Variants in LTA observed in about 807,000 individuals in gnomAD.
LTA encodes lymphotoxin alpha.
A neutral mutation model predicts 15.1 loss-of-function variants in LTA; 6 were observed. That is an observed-to-expected ratio of 0.40 (90% CI 0.22 to 0.78). The LOEUF (loss-of-function observed/expected upper bound fraction) is 0.78. LTA is among the 30% of genes least tolerant of loss of function. LTA has a pLI of 0.38. For synonymous variants in LTA, 87 were observed against 107.3 expected, an observed-to-expected ratio of 0.81 and a Z score of 1.17; for missense variants, 173 against 249.5, an observed-to-expected ratio of 0.69 and a Z score of 2.06.
the LTA span, among the ~76,000 whole-genome samples, chr6:31,562,234 A>G: frequency 6.6e-6 from 1 of 152,094 alleles, no homozygotes; most frequent in South Asian, 2.1e-4. Context: ...AATTTTGAGA[A>G]AACCGTTTCC....
the LTA span, among the ~76,000 whole-genome samples, chr6:31,564,206 G>A: frequency 2.0e-5 from 3 of 152,324 alleles, no homozygotes; most frequent in East Asian, 5.8e-4. Flanking sequence ...TGTAAAACCA[G>A]TAGACTTGAG....
At chr6:31,567,604 TTCTCTC>T (rs1554281342), upstream of LTA, among the ~76,000 whole-genome samples, 3 of 103,388 alleles carry the variant, frequency 2.9e-5, no homozygotes, top group Non-Finnish European at 4.4e-5. Context: ...ACCTCCCTCT[TTCTCTC>T]TCTCTCTCTC....
the LTA span, among the ~76,000 whole-genome samples, chr6:31,566,383 CTG>C: frequency 6.6e-6 from 1 of 152,050 alleles, no homozygotes; most frequent in Non-Finnish European, 1.5e-5. Flanking sequence ...TGGCACATGT[CTG>C]TAATTCCAGC....
the LTA span, among the ~76,000 whole-genome samples, chr6:31,563,685 G>A: frequency 6.6e-6 from 1 of 152,184 alleles, no homozygotes; most frequent in African/African-American, 2.4e-5. Context: ...TTGGTTCCCT[G>A]CAACCTCTGC....
chr6:31,570,150 T>C (rs963212672), upstream of LTA, among the ~76,000 whole-genome samples: 1 of 152,208 alleles, frequency 6.6e-6, no homozygotes, highest in Non-Finnish European at 1.5e-5. Flanking sequence ...AATCTGTCTT[T>C]TATTATAGGA....
the LTA span, among the ~76,000 whole-genome samples, chr6:31,562,888 C>T: frequency 4.2e-5 from 6 of 141,378 alleles, no homozygotes; most frequent in African/African-American, 1.6e-4. Flanking sequence ...AGCCCAGGTG[C>T]GGTGGCTCAC....
chr6:31,567,721 T>C (rs1770655683), upstream of LTA, among the ~76,000 whole-genome samples: 1 of 148,772 alleles, frequency 6.7e-6, no homozygotes, highest in Non-Finnish European at 1.5e-5. Context: ...TTTAAAGGCT[T>C]CCTGTGGCTG....
rs555821192 is a variant in LTA at position 31,572,337 on chromosome 6, C to G, written c.-119C>G. On this transcript the variant is annotated 5_prime_UTR_variant, in exon 1 of 4. Coordinates refer to ENST00000418386, the MANE Select transcript of LTA (RefSeq NM_000595.4). ...TCCTGCCCCATCTCCTTGGGCTGCC[C>G]GTGCTTCGTGCTTTGGACTACCGCC... 3 of 286,750 alleles carry G rather than the reference C, an allele frequency of 1.0e-5. No individual in the cohort carries two copies. Among genetic ancestry groups the G allele is most frequent in the Non-Finnish European group, 2.0e-5 (3 of 152,208 alleles). The allele number at this position is 286,750 out of a possible 1,614,324, so 17.8% of individuals were successfully genotyped here. A position where few individuals can be genotyped will look rare whatever the true frequency, so the allele number is the denominator to read the frequency against.
upstream of LTA, among the ~76,000 whole-genome samples, chr6:31,571,421 C>T (rs1285781967): frequency 6.6e-6 from 1 of 152,200 alleles, no homozygotes; most frequent in Non-Finnish European, 1.5e-5. Flanking sequence ...AGTCCCTTAG[C>T]TGTCCCCACC....
Position 31,574,143 on chromosome 6 carries a change from C to T in LTA, c.*450C>T, listed in dbSNP as rs1045986296. On this transcript the variant is annotated 3_prime_UTR_variant, in exon 4 of 4. Transcript: ENST00000418386. ...ACATCCAAGGAGAAACAGAGACAGGCCCAAGAGATGAAGAGTGAGAGGGCA... is the reference window on the plus strand; with the variant it reads ...ACATCCAAGGAGAAACAGAGACAGGTCCAAGAGATGAAGAGTGAGAGGGCA... The T allele has an allele frequency of 1.8e-5, 6 of 328,156 alleles. No individual in the cohort carries two copies. Among genetic ancestry groups the T allele is most frequent in the Admixed American group, 1.3e-4 (3 of 22,654 alleles). The allele number at this position is 328,156 out of a possible 1,614,324, so 20.3% of individuals were successfully genotyped here.
rs1480584924 is a variant in LTA, at chr6:31,573,305, T to G, written c.230T>G (p.Leu77Arg). 1.9e-6 allele frequency: 3 copies of G among 1,613,432 alleles called. No homozygotes were observed. The change falls in exon 4 of 4, where the codon CTG becomes CGG. Residue 77 changes from leucine (L) to arginine (R), a missense_variant. Physicochemically the swap from Leu to Arg is moderately radical, Grantham distance 102. Coordinates refer to ENST00000418386, the MANE Select transcript of LTA (RefSeq NM_000595.4). ...LIGDPSKQNS[L>R]LWRANTDRAF... ...GGAGACCCCAGCAAGCAGAACTCAC[T>G]GCTCTGGAGAGCAAACACGGACCGT...
upstream of LTA, among the ~76,000 whole-genome samples, chr6:31,568,113 T>G (rs780245382): frequency 6.6e-6 from 1 of 152,308 alleles, no homozygotes; most frequent in South Asian, 2.1e-4. The surrounding 1 kb of genome is among the most constrained non-coding windows in gnomAD (Gnocchi z 4.1). Flanking sequence ...TTCTTTCTTT[T>G]CCGTCTGGCC....
chr6:31,568,345 T>G (rs1770681109), upstream of LTA, among the ~76,000 whole-genome samples: 1 of 151,906 alleles, frequency 6.6e-6, no homozygotes, highest in Non-Finnish European at 1.5e-5. This position sits in a 1 kb window ranked among gnomAD's most constrained non-coding sequence, Gnocchi z 4.1. Flanking sequence ...GTGTTAGGAG[T>G]GGTGGTAAAC....
chr6:31,573,198 G>A, intron 3 of LTA, 83 bp from the exon 4 acceptor site: 4 of 1,419,336 alleles, frequency 2.8e-6, no homozygotes, highest in Non-Finnish European at 3.9e-6. Flanking sequence ...GAACTCAGTT[G>A]TTCAGTGCCC....
rs781487122 is a variant in LTA at position 31,572,935 on chromosome 6, C to G, written c.107C>G (p.Pro36Arg). Residue 36 changes from proline to arginine, a missense_variant, in exon 3 of 4, where the codon CCT (proline) becomes CGT (arginine). Transcript: ENST00000418386. ...AACTCTGTTCTCCCCTAGGGGCTCC[C>G]TGGTGTTGGCCTCACACCTTCAGCT... is the stretch of plus-strand genomic sequence containing the variant. ...LVLLPGAQGL[P>R]GVGLTPSAAQ... 6.2e-7 allele frequency: 1 copy of G among 1,612,556 alleles called. No individual in the cohort carries two copies. Among genetic ancestry groups the G allele is most frequent in the Admixed American group, 1.7e-5 (1 of 59,996 alleles).
rs1281458106 is a variant in LTA, at chr6:31,573,353, C to T, written c.278C>T (p.Ser93Phe). The stretch of plus-strand genomic sequence containing the variant: ...CGTGCCTTCCTCCAGGATGGTTTCT[C>T]CTTGAGCAACAATTCTCTCCTGGTC... ...TDRAFLQDGFSLSNNSLLVPT... is the reference protein window; with the variant it reads ...TDRAFLQDGFFLSNNSLLVPT... Residue 93 changes from serine to phenylalanine, a missense_variant, in exon 4 of 4, where the codon TCC becomes TTC. Ser to Phe is a radical substitution (Grantham distance 155, BLOSUM62 -2). Transcript: ENST00000418386. The T allele has an allele frequency of 3.7e-6, 6 of 1,614,048 alleles. No individual in the cohort carries two copies. The highest frequency in any genetic ancestry group is 2.2e-5 in the East Asian group (1 of 44,866).
In LTA at chr6:31,573,654, C is replaced by G; in HGVS notation, c.579C>G (p.Leu193=). The G allele has an allele frequency of 6.2e-7, 1 of 1,613,670 alleles. No individual in the cohort carries two copies. The highest frequency in any genetic ancestry group is 8.5e-7 in the Non-Finnish European group (1 of 1,179,728). ...THTDGIPHLV[L]SPSTVFFGAF... ...CAGATGGCATCCCCCACCTAGTCCTCAGCCCTAGTACTGTCTTCTTTGGAG... is the reference window on the plus strand; with the variant it reads ...CAGATGGCATCCCCCACCTAGTCCTGAGCCCTAGTACTGTCTTCTTTGGAG... The change falls in exon 4 of 4, where the codon CTC becomes CTG. Residue 193 remains leucine (L), a synonymous_variant. Coordinates refer to ENST00000418386, the MANE Select transcript of LTA (RefSeq NM_000595.4).
upstream of LTA, among the ~76,000 whole-genome samples, chr6:31,570,601 G>C (rs1189624640): frequency 6.6e-6 from 1 of 152,128 alleles, no homozygotes; most frequent in Non-Finnish European, 1.5e-5. Flanking sequence ...GCTCATGTAT[G>C]AGAATGTTCG....
At chr6:31,571,007 T>G (rs1770802049), upstream of LTA, among the ~76,000 whole-genome samples, 2 of 151,588 alleles carry the variant, frequency 1.3e-5, no homozygotes, top group Admixed American at 1.3e-4. Context: ...ACTTAAGAGG[T>G]GTCCACCTCA....
Sources: allele counts gnomAD v4.1 joint callset (sites outside exome capture counted in the v4.1 genomes callset), GRCh38; gene constraint gnomAD v4.1.1; non-coding constraint Gnocchi (gnomAD v3.1); transcripts MANE v1.5; gene names NCBI Gene and HGNC (gene_info 2026-07-23, HGNC 2026-07-21).